PDE11A: variants seen among roughly 807,000 people sequenced by gnomAD.
The protein encoded by PDE11A is dual 3',5'-cyclic-AMP and -GMP phosphodiesterase 11A.
In PDE11A, 100 loss-of-function variants were observed where a neutral mutation model predicts 100.5. That is an observed-to-expected ratio of 1.00 (90% confidence interval 0.85 to 1.18). PDE11A has a LOEUF of 1.18. Among genes scored for constraint, PDE11A ranks in the 50% most tolerant of loss-of-function variants. The pLI is 0.00. For synonymous variants in PDE11A, 381 were observed against 420.8 expected (o/e 0.91, Z 1.16); for missense variants, 1,141 against 1,152.6 (o/e 0.99, Z 0.15).
At chr2:177,830,230 C>T (rs565625505) in intron 6 of PDE11A, among the ~76,000 whole-genome samples, 1 of 152,286 alleles carries the variant, frequency 6.6e-6, no homozygotes, top group South Asian at 2.1e-4. Flanking sequence ...TAATTTCAGC[C>T]TTGTGAGACC....
At position 177,984,889 on chromosome 2, in the gene PDE11A, G is replaced by T. The variant is rs1382117331; in HGVS notation, c.1071+29413C>A. 3.9e-5 allele frequency among the ~76,000 whole-genome samples: 6 copies of T among 152,314 alleles called. No homozygotes were observed. In the South Asian group the frequency reaches 1.2e-3, roughly 32 times the overall value. ...TGTAGAGCAGAGATTGAAGCATGGTGGTTAACAGCCACAGTGCCTGAGGTC... is the reference window on the plus strand; with the variant it reads ...TGTAGAGCAGAGATTGAAGCATGGTTGTTAACAGCCACAGTGCCTGAGGTC... On this transcript the variant is annotated intron_variant, in intron 2 of 19. Coordinates refer to ENST00000286063, the MANE Select transcript of PDE11A (RefSeq NM_016953.4).
chr2:177,954,923 G>A (rs537938772), intron 2 of PDE11A, among the ~76,000 whole-genome samples: 1 of 152,228 alleles, frequency 6.6e-6, no homozygotes, highest in African/African-American at 2.4e-5. Context: ...TCACATTATG[G>A]AGACATTTAT....
At chr2:177,931,414 A>G (rs925280546) in intron 2 of PDE11A, among the ~76,000 whole-genome samples, 3 of 152,164 alleles carry the variant, frequency 2.0e-5, no homozygotes, top group Non-Finnish European at 2.9e-5. Flanking sequence ...GCAAGTCTCA[A>G]TACATTCAAA....
At chr2:177,813,124 G>A (rs942734160) in intron 9 of PDE11A, among the ~76,000 whole-genome samples, 2 of 152,198 alleles carry the variant, frequency 1.3e-5, no homozygotes, top group African/African-American at 4.8e-5. Context: ...GCTGCTGCTG[G>A]CTTATCCCTT....
At chr2:177,988,680 G>A (rs2085968353) in intron 2 of PDE11A, among the ~76,000 whole-genome samples, 2 of 152,188 alleles carry the variant, frequency 1.3e-5, no homozygotes, top group African/African-American at 4.8e-5. Context: ...TGTCTGAATT[G>A]TCTAACTCTA....
rs76000873 is a variant in PDE11A, at chr2:178,104,765, C to G, written c.-13-289G>C. On this transcript the variant is annotated intron_variant, in intron 1 of 20. Transcript: ENST00000358450. ...TGGTATCAAACGGGTTTTACTTCAG[C>G]CTTCAAAGAATTATATTAATTTATC... Among the ~76,000 whole-genome samples the G allele has an allele frequency of 1.3e-3, 191 of 152,262 alleles. 4 individuals carry two copies. The East Asian group carries it at 0.032, about 26-fold the overall frequency.
At chr2:177,681,425 G>C (rs2080862008) in intron 15 of PDE11A, among the ~76,000 whole-genome samples, 1 of 152,164 alleles carries the variant, frequency 6.6e-6, no homozygotes, top group East Asian at 1.9e-4. Context: ...AAGTCTGAAA[G>C]TAACGGTGTT....
At chr2:177,806,242 C>T (rs573720250) in intron 9 of PDE11A, among the ~76,000 whole-genome samples, 1 of 109,804 alleles carries the variant, frequency 9.1e-6, no homozygotes, top group East Asian at 2.5e-4. Context: ...GAGTTGATGC[C>T]AAAGAGAACT....
At chr2:178,096,315 C>A (rs369673675) in intron 2 of PDE11A, among the ~76,000 whole-genome samples, 4 of 149,316 alleles carry the variant, frequency 2.7e-5, no homozygotes, top group Non-Finnish European at 5.9e-5. Context: ...AGGCACCCAC[C>A]ATCAAGCCCA....
chr2:177,755,084 A>G (rs889279477), intron 10 of PDE11A, among the ~76,000 whole-genome samples: 2 of 152,216 alleles, frequency 1.3e-5, no homozygotes, highest in Non-Finnish European at 2.9e-5. Flanking sequence ...TTCAAACACA[A>G]GAGAAAGAGG....
chr2:177,671,613 GACAA>G (rs1242695660), intron 17 of PDE11A, among the ~76,000 whole-genome samples: 4 of 151,748 alleles, frequency 2.6e-5, no homozygotes, highest in African/African-American at 4.8e-5. Flanking sequence ...TCAATTTGGA[GACAA>G]ACAAGAATGA....
chr2:177,952,739 A>T (rs2085519490), intron 2 of PDE11A, among the ~76,000 whole-genome samples: 1 of 152,174 alleles, frequency 6.6e-6, no homozygotes, highest in Non-Finnish European at 1.5e-5. Context: ...TGCTTCTTGC[A>T]GCCCTTTTCA....
chr2:177,951,315 T>C (rs1178352945), intron 2 of PDE11A, among the ~76,000 whole-genome samples: 1 of 152,242 alleles, frequency 6.6e-6, no homozygotes. Context: ...TGGATTCTAG[T>C]GAAAGTTTAT....
intron 2 of PDE11A, among the ~76,000 whole-genome samples, chr2:177,957,614 G>C (rs1359599018): frequency 2.0e-5 from 3 of 152,132 alleles, no homozygotes; most frequent in African/African-American, 7.2e-5. Context: ...TGATTCTCCA[G>C]GTTATTAGAG....
chr2:177,895,782 A>G (rs933281001), intron 4 of PDE11A, among the ~76,000 whole-genome samples: 2 of 152,176 alleles, frequency 1.3e-5, no homozygotes, highest in Non-Finnish European at 2.9e-5. Context: ...TGTTGGTCAC[A>G]GTGTACAAGT....
At chr2:177,700,195 A>G (rs1175944762) in intron 14 of PDE11A, among the ~76,000 whole-genome samples, 1 of 152,118 alleles carries the variant, frequency 6.6e-6, no homozygotes, top group African/African-American at 2.4e-5. Flanking sequence ...CAGGTTCTGG[A>G]GTGCCAACTC....
rs940926635 is a variant in PDE11A, at chr2:177,780,483, C to A, written c.1738-11110G>T. Among the ~76,000 whole-genome samples the A allele has an allele frequency of 3.9e-4, 60 of 152,316 alleles. 1 individual carries two copies. Among genetic ancestry groups the A allele is most frequent in the Non-Finnish European group, 7.3e-5 (5 of 68,032 alleles). ...ACCAGCAACTTACCATAGCCCCTAA[C>A]AAGAGAGTCAGCCTGTGCTTTGAAG... On this transcript the variant is annotated intron_variant, in intron 9 of 19. Transcript: ENST00000286063.
At chr2:177,678,303 T>C (rs1220572948) in intron 16 of PDE11A, among the ~76,000 whole-genome samples, 3 of 152,194 alleles carry the variant, frequency 2.0e-5, no homozygotes, top group Non-Finnish European at 4.4e-5. Context: ...GAACTTACTA[T>C]TGAAAGTGTA....
chr2:177,871,639 C>T (rs114270922), intron 5 of PDE11A, among the ~76,000 whole-genome samples: 10,134 of 151,342 alleles, frequency 0.067, 513 homozygotes, highest in Non-Finnish European at 0.1. Context: ...AGGAGGATCC[C>T]TTGAGGCCAG....
Sources: gnomAD v4.1 joint callset for allele counts (sites outside exome capture counted in the v4.1 genomes callset) on GRCh38, gnomAD v4.1.1 for gene constraint, MANE v1.5 for transcripts, NCBI Gene and HGNC (gene_info 2026-07-23, HGNC 2026-07-21) for gene names.